CHN2: variants seen among roughly 807,000 people sequenced by gnomAD.
CHN2 encodes the protein chimerin 2, also known as beta-chimaerin.
A neutral mutation model predicts 56.3 loss-of-function variants in CHN2; 35 were observed. The ratio of observed to expected loss-of-function variants is 0.62; its 90% CI spans 0.47 to 0.82. CHN2 has a LOEUF of 0.82. Among genes scored for constraint, CHN2 ranks in the 40% least tolerant of loss-of-function variants. CHN2 has a pLI of 0.00. For missense variants in CHN2, 491 were observed against 580.5 expected (o/e 0.85, Z 1.58); for synonymous variants, 210 against 212.8 (o/e 0.99, Z 0.12).
chr7:29,347,577 C>T (rs1239376656), intron 1 of CHN2, among the ~76,000 whole-genome samples: 5 of 152,168 alleles, frequency 3.3e-5, no homozygotes, highest in Non-Finnish European at 7.3e-5. Context: ...AACTCACCCA[C>T]TATCATCAGA....
chr7:29,430,510 G>A (rs142194166), intron 6 of CHN2, among the ~76,000 whole-genome samples: 2 of 152,302 alleles, frequency 1.3e-5, no homozygotes, highest in East Asian at 3.9e-4. Flanking sequence ...TGAAAGTGAG[G>A]TGCAGAAACA....
intron 1 of CHN2, among the ~76,000 whole-genome samples, chr7:29,252,322 GGGACTACA>G (rs1359136231): frequency 6.6e-6 from 1 of 150,734 alleles, no homozygotes; most frequent in East Asian, 2.0e-4. Flanking sequence ...CCGAGTAGCT[GGGACTACA>G]GGCACCCGCC....
intron 1 of CHN2, among the ~76,000 whole-genome samples, chr7:29,253,505 A>G (rs986804763): frequency 6.6e-6 from 1 of 152,212 alleles, no homozygotes; most frequent in African/African-American, 2.4e-5. Flanking sequence ...TGAACAAACT[A>G]GGCATTCTGT....
chr7:29,252,598 T>TG lies in CHN2; in HGVS notation c.49+57608_49+57609insG, dbSNP rs1162964295. Among the ~76,000 whole-genome samples the TG allele has an allele frequency of 1.3e-4, 6 of 47,928 alleles. 1 individual carries two copies. Among genetic ancestry groups the TG allele is most frequent in the East Asian group, 4.2e-4 (1 of 2,400 alleles). The allele number at this position is 47,928 out of a possible 152,430, so 31.4% of individuals were successfully genotyped here. ...TCTTTGTTTTTTTTTTTTTTTTTTT[T>TG]TTTTTTTTGAGACGGAGTCTCGCTC... On this transcript the variant is annotated intron_variant, in intron 1 of 12. Coordinates refer to ENST00000222792, the MANE Select transcript of CHN2 (RefSeq NM_004067.4).
intron 1 of CHN2, among the ~76,000 whole-genome samples, chr7:29,258,465 T>C (rs78755673): frequency 0.021 from 3,147 of 152,302 alleles, 49 homozygotes; most frequent in Non-Finnish European, 0.036. Flanking sequence ...TGGAAGTGTT[T>C]CTCTGCTCGC....
intron 6 of CHN2, among the ~76,000 whole-genome samples, chr7:29,443,264 A>C (rs192877661): frequency 6.6e-6 from 1 of 151,952 alleles, no homozygotes; most frequent in African/African-American, 2.4e-5. Flanking sequence ...TTCTAACTGA[A>C]ATAGAACTGA....
intron 6 of CHN2, among the ~76,000 whole-genome samples, chr7:29,405,170 CACACACACACACACACACA>C (rs1802537647): frequency 4.3e-5 from 3 of 69,172 alleles, no homozygotes; most frequent in African/African-American, 3.5e-4. Flanking sequence ...ACCATACACA[CACACACACACACACACACA>C]CACACACACA....
At chr7:29,383,670 GA>G (rs1023264913) in intron 3 of CHN2, among the ~76,000 whole-genome samples, 39 of 152,282 alleles carry the variant, frequency 2.6e-4, no homozygotes, top group East Asian at 9.6e-4. Context: ...ATGTCATGGG[GA>G]AAAAATATTC....
At chr7:29,180,450 C>T (rs968739149) in intron 2 of CHN2, among the ~76,000 whole-genome samples, 10 of 151,886 alleles carry the variant, frequency 6.6e-5, no homozygotes, top group African/African-American at 2.4e-4. Flanking sequence ...TCACTTGAAC[C>T]TAGGAGGCGG....
chr7:29,150,463 C>G (rs1793436692), intron 2 of CHN2, among the ~76,000 whole-genome samples: 1 of 152,174 alleles, frequency 6.6e-6, no homozygotes, highest in Non-Finnish European at 1.5e-5. Context: ...TAAATTGTAT[C>G]TGGACACCAC....
At chr7:29,345,798 G>A (rs1019492447) in intron 1 of CHN2, among the ~76,000 whole-genome samples, 4 of 152,036 alleles carry the variant, frequency 2.6e-5, no homozygotes, top group Non-Finnish European at 4.4e-5. Flanking sequence ...TGTGGCCCCG[G>A]TGCCCTCTAG....
At chr7:29,275,925 A>T (rs913466223) in intron 1 of CHN2, among the ~76,000 whole-genome samples, 1 of 152,086 alleles carries the variant, frequency 6.6e-6, no homozygotes, top group Non-Finnish European at 1.5e-5. Context: ...TTTTTTGGTA[A>T]GGTAAAAGAT....
rs144669980 is a variant in CHN2 at position 29,177,508 on chromosome 7, C to T, written c.274+30548C>T. 4.7e-3 allele frequency among the ~76,000 whole-genome samples: 711 copies of T among 151,774 alleles called. 7 individuals are homozygous for T. The highest frequency in any genetic ancestry group is 0.016 in the African/African-American group (678 of 41,412). On this transcript the variant is annotated intron_variant, in intron 2 of 6. Transcript: ENST00000439384. ...ACCTCAAGTCATCTGCCTGCCTTGG[C>T]CTCCCACAGTGCTGGGATTACAGGC... is the stretch of plus-strand genomic sequence containing the variant.
At chr7:29,361,995 C>T (rs2128032839) in intron 2 of CHN2, among the ~76,000 whole-genome samples, 1 of 152,334 alleles carries the variant, frequency 6.6e-6, no homozygotes, top group African/African-American at 2.4e-5. Context: ...TTCAGCAAGG[C>T]AAAGGACAGT....
chr7:29,223,898 G>C (rs1276475517), intron 1 of CHN2, among the ~76,000 whole-genome samples: 2 of 152,076 alleles, frequency 1.3e-5, no homozygotes, highest in Non-Finnish European at 2.9e-5. Context: ...AATTTTAGTT[G>C]CGATGTATTG....
At chr7:29,195,113 A>G in intron 1 of CHN2, 123 bp downstream of exon 1, 2 of 1,054,100 alleles carry the variant, frequency 1.9e-6, no homozygotes, top group Non-Finnish European at 2.7e-6. Flanking sequence ...GAATGGGGGC[A>G]GGCGTCCGGG....
intron 9 of CHN2, among the ~76,000 whole-genome samples, chr7:29,502,530 A>T (rs1790079548): frequency 6.6e-6 from 1 of 152,204 alleles, no homozygotes; most frequent in South Asian, 2.1e-4. Context: ...ATGGGAGAAC[A>T]AATATTGGAA....
At chr7:29,204,958 G>A (rs573252304) in intron 1 of CHN2, among the ~76,000 whole-genome samples, 48 of 152,298 alleles carry the variant, frequency 3.2e-4, no homozygotes, top group African/African-American at 1.1e-3. Flanking sequence ...TGAGTTAAAC[G>A]ATGTCATCTG....
chr7:29,162,761 A>G (rs1257765441), intron 2 of CHN2, among the ~76,000 whole-genome samples: 1 of 152,196 alleles, frequency 6.6e-6, no homozygotes, highest in Non-Finnish European at 1.5e-5. Context: ...TCTTAAAATG[A>G]CAAAGTTGCA....
Sources: gnomAD v4.1 joint callset for allele counts (sites outside exome capture counted in the v4.1 genomes callset) on GRCh38, gnomAD v4.1.1 for gene constraint, MANE v1.5 for transcripts, NCBI Gene and HGNC (gene_info 2026-07-23, HGNC 2026-07-21) for gene names.